Variants in PI4KA observed in about 807,000 individuals in gnomAD.
The protein encoded by PI4KA is PI4-kinase alpha.
Under a neutral mutation model 271.4 loss-of-function variants are expected in PI4KA, and 122 were observed. That is an observed-to-expected ratio of 0.45 (90% CI 0.39 to 0.52). The LOEUF (loss-of-function observed/expected upper bound fraction) is 0.52. PI4KA is among the 20% of genes least tolerant of loss of function. The pLI is 0.00. For synonymous variants in PI4KA, 1,041 were observed against 1,078.8 expected, an observed-to-expected ratio of 0.96 and a Z score of 0.69; for missense variants, 1,969 against 2,769.1, an observed-to-expected ratio of 0.71 and a Z score of 6.48.
intron 23 of PI4KA, among the ~76,000 whole-genome samples, chr22:20,757,758 G>A (rs1231603094): frequency 2.0e-5 from 3 of 152,116 alleles, no homozygotes; most frequent in Non-Finnish European, 2.9e-5. Flanking sequence ...TGGCCAGGCT[G>A]GTCTCGAACT....
chr22:20,726,415 G>T, intron 42 of PI4KA, 73 bp downstream of exon 42: 1 of 1,353,324 alleles, frequency 7.4e-7, no homozygotes. Context: ...GAGGGCTGGG[G>T]ACAGACCGGG....
chr22:20,726,260 C>T (rs5760207), intron 42 of PI4KA: 16 of 423,730 alleles, frequency 3.8e-5, no homozygotes, highest in Non-Finnish European at 5.4e-5. Context: ...GCCCCAGAAC[C>T]GGCTCGCTCC....
rs546487622 is a variant in PI4KA at position 20,737,929 on chromosome 22, C to G, written c.3742-3376G>C. Among the ~76,000 whole-genome samples, 176 of 152,248 alleles carry G rather than the reference C, an allele frequency of 1.2e-3. 1 individual carries two copies. The highest frequency in any genetic ancestry group is 4.1e-3 in the African/African-American group (169 of 41,522). ...TACAGGCGTGAGCCACTGCGCCTGG[C>G]TGAGCAGCCCCTACTCTTAAGGCCC... is the stretch of plus-strand genomic sequence containing the variant. On this transcript the variant is annotated intron_variant, in intron 32 of 54. Coordinates refer to ENST00000255882, the MANE Select transcript of PI4KA (RefSeq NM_058004.4).
At chr22:20,753,201 TG>T (rs1213557746) in intron 23 of PI4KA, 21 bp from the exon 24 acceptor site, 1 of 1,604,736 alleles carries the variant, frequency 6.2e-7, no homozygotes, top group Non-Finnish European at 8.5e-7. Flanking sequence ...AAGGTTTCCA[TG>T]GATAAGGTGC....
chr22:20,812,694 C>T (rs760453184), intron 8 of PI4KA, among the ~76,000 whole-genome samples: 1 of 152,286 alleles, frequency 6.6e-6, no homozygotes, highest in Non-Finnish European at 1.5e-5. Context: ...GCTGGGATTA[C>T]AGGGATCCAC....
At chr22:20,769,601 C>A (rs189380145) in intron 19 of PI4KA, among the ~76,000 whole-genome samples, 95 of 150,230 alleles carry the variant, frequency 6.3e-4, no homozygotes, top group Admixed American at 1.1e-3. Context: ...ACCAGGAGGC[C>A]GAGGTTGCAG....
Position 20,820,545 on chromosome 22 carries a change from C to T in PI4KA, c.523G>A (p.Asp175Asn). 6.2e-7 allele frequency: 1 copy of T among 1,605,334 alleles called. No individual in the cohort carries two copies. ...ACCTTAAGGATACTCGTACCTTTGT[C>T]TTGAATCTCCAAGGCCTGGCACATC... ...LGMCQALEIQ[D>N]KEYLCKYAIP... The change falls in exon 5 of 55, where the codon GAC becomes AAC. Residue 175 changes from aspartate to asparagine, a missense_variant. Coordinates refer to ENST00000255882, the MANE Select transcript of PI4KA (RefSeq NM_058004.4).
At chr22:20,717,206 G>C (rs1789258380) in intron 45 of PI4KA, among the ~76,000 whole-genome samples, 1 of 152,216 alleles carries the variant, frequency 6.6e-6, no homozygotes, top group African/African-American at 2.4e-5. Flanking sequence ...AATGGAGAGA[G>C]AGCTGCCCAG....
At chr22:20,719,140 T>C (rs1206624615) in intron 43 of PI4KA, among the ~76,000 whole-genome samples, 1 of 151,694 alleles carries the variant, frequency 6.6e-6, no homozygotes, top group Non-Finnish European at 1.5e-5. Context: ...GGGCATAGAA[T>C]CCTCACTGCT....
intron 4 of PI4KA, among the ~76,000 whole-genome samples, chr22:20,822,957 A>G (rs178052): frequency 0.49 from 74,045 of 152,014 alleles, 18,562 homozygotes; most frequent in African/African-American, 0.59. Context: ...TCTGTTATCC[A>G]GGCTGGAGTG....
chr22:20,789,215 G>C (rs917385729), intron 19 of PI4KA, among the ~76,000 whole-genome samples: 2 of 152,184 alleles, frequency 1.3e-5, no homozygotes, highest in Non-Finnish European at 2.9e-5. Flanking sequence ...CAGGTTCTGT[G>C]CCTCAGTATC....
At chr22:20,805,207 C>G in intron 10 of PI4KA, 42 bp from the exon 11 acceptor site, 1 of 1,361,276 alleles carries the variant, frequency 7.3e-7, no homozygotes, top group Admixed American at 1.7e-5. Context: ...AACAAAACTA[C>G]AGTAGAACAC....
chr22:20,765,765 T>C, intron 19 of PI4KA, 72 bp from the exon 20 acceptor site: 1 of 940,290 alleles, frequency 1.1e-6, no homozygotes, highest in Non-Finnish European at 1.7e-6. Flanking sequence ...AGGTGTAAAA[T>C]CAACCACAGA....
intron 19 of PI4KA, among the ~76,000 whole-genome samples, chr22:20,780,660 C>T (rs1933706022): frequency 6.6e-6 from 1 of 151,652 alleles, no homozygotes; most frequent in African/African-American, 2.4e-5. Flanking sequence ...CCTGTACTCC[C>T]AGCTACTTGG....
chr22:20,777,365 C>T (rs996440607), intron 19 of PI4KA, among the ~76,000 whole-genome samples: 6 of 151,934 alleles, frequency 3.9e-5, no homozygotes, highest in Admixed American at 6.6e-5. Flanking sequence ...TACAGGCATG[C>T]GCCACCACGC....
At position 20,764,900 on chromosome 22, in the gene PI4KA, A is replaced by C; in HGVS notation, c.2625T>G (p.Pro875=). 1 of 1,613,274 alleles carries C rather than the reference A, an allele frequency of 6.2e-7. No individual in the cohort carries two copies. Among genetic ancestry groups the C allele is most frequent in the Non-Finnish European group, 8.5e-7 (1 of 1,179,504 alleles). Residue 875 remains proline, a synonymous_variant, in exon 22 of 55, where the codon CCT becomes CCG. Transcript: ENST00000255882. ...TGTTGATGAGTGCGGACACCTCGGG[A>C]GGGGGGTCCAGCAGGTTGATGATAG... ...RSTIINLLDP[P]PEVSALINKL...
chr22:20,849,393 A>G (rs1469962223), intron 1 of PI4KA, among the ~76,000 whole-genome samples: 1 of 152,226 alleles, frequency 6.6e-6, no homozygotes, highest in East Asian at 1.9e-4. Context: ...CTTGTACGTG[A>G]ATTTCCATAG....
chr22:20,760,377 C>G (rs1931840327), intron 23 of PI4KA, among the ~76,000 whole-genome samples: 1 of 152,102 alleles, frequency 6.6e-6, no homozygotes, highest in Non-Finnish European at 1.5e-5. Flanking sequence ...CTTCTTAGTG[C>G]CCTTACACTA....
At chr22:20,829,094 A>G (rs1923819834) in intron 3 of PI4KA, among the ~76,000 whole-genome samples, 1 of 152,016 alleles carries the variant, frequency 6.6e-6, no homozygotes, top group South Asian at 2.1e-4. Flanking sequence ...GTTTGCATCT[A>G]TGTTCATCTA....
Sources: gnomAD v4.1 joint callset for allele counts (sites outside exome capture counted in the v4.1 genomes callset) on GRCh38, gnomAD v4.1.1 for gene constraint, MANE v1.5 for transcripts, NCBI Gene and HGNC (gene_info 2026-07-23, HGNC 2026-07-21) for gene names.